FUT9: variants seen among roughly 807,000 people sequenced by gnomAD.
FUT9 encodes the protein 4-galactosyl-N-acetylglucosaminide 3-alpha-L-fucosyltransferase 9.
A neutral mutation model predicts 29.7 loss-of-function variants in FUT9; 15 were observed. The ratio of observed to expected loss-of-function variants is 0.51; its 90% CI spans 0.34 to 0.78. The LOEUF (loss-of-function observed/expected upper bound fraction) is 0.78. Ranked by LOEUF, FUT9 falls within the 30% of genes least tolerant of loss-of-function variation. The pLI is 0.01. For missense variants in FUT9, 319 were observed against 425.4 expected, an observed-to-expected ratio of 0.75 and a Z score of 2.20; for synonymous variants, 169 against 153.7, an observed-to-expected ratio of 1.10 and a Z score of -0.74.
chr6:96,075,158 G>C (rs752287605), intron 1 of FUT9, among the ~76,000 whole-genome samples: 12 of 152,060 alleles, frequency 7.9e-5, no homozygotes, highest in Non-Finnish European at 1.6e-4. Flanking sequence ...GTGTGTGTGT[G>C]TATTTCTGCT....
intron 2 of FUT9, among the ~76,000 whole-genome samples, chr6:96,181,006 A>G (rs1460497714): frequency 6.6e-6 from 1 of 152,004 alleles, no homozygotes; most frequent in Non-Finnish European, 1.5e-5. Flanking sequence ...TAAAAATAAC[A>G]TACATAGTTA....
At chr6:96,103,743 T>A (rs1471708475) in intron 1 of FUT9, among the ~76,000 whole-genome samples, 1 of 152,226 alleles carries the variant, frequency 6.6e-6, no homozygotes, top group Non-Finnish European at 1.5e-5. Context: ...CCAGTGTGAT[T>A]TTCATCTTTT....
At chr6:96,190,258 G>C (rs2127988452) in intron 2 of FUT9, among the ~76,000 whole-genome samples, 1 of 152,298 alleles carries the variant, frequency 6.6e-6, no homozygotes, top group Middle Eastern at 3.4e-3. Context: ...GGCTTGTAGA[G>C]TTTCTGCCAA....
intron 1 of FUT9, among the ~76,000 whole-genome samples, chr6:96,019,289 G>C (rs915291510): frequency 6.6e-5 from 10 of 151,928 alleles, no homozygotes; most frequent in African/African-American, 2.4e-4. Context: ...AGAGGATTCA[G>C]TCAAGAGATA....
At chr6:96,088,448 C>A (rs969265694) in intron 1 of FUT9, among the ~76,000 whole-genome samples, 2 of 151,658 alleles carry the variant, frequency 1.3e-5, no homozygotes, top group African/African-American at 4.8e-5. Flanking sequence ...TGTCTTCTTT[C>A]TCCCAATTTT....
intron 2 of FUT9, among the ~76,000 whole-genome samples, chr6:96,183,261 G>A (rs1026368934): frequency 1.3e-5 from 2 of 151,982 alleles, no homozygotes; most frequent in African/African-American, 4.8e-5. Context: ...CATTGTTGGT[G>A]CATAGGAGAG....
At chr6:96,054,287 A>T (rs958588447) in intron 1 of FUT9, among the ~76,000 whole-genome samples, 12 of 152,232 alleles carry the variant, frequency 7.9e-5, no homozygotes, top group African/African-American at 2.9e-4. Flanking sequence ...AGATAGATAT[A>T]GGTTGGTCCT....
Position 96,113,147 on chromosome 6 carries a change from T to C in FUT9, c.-97-892T>C, listed in dbSNP as rs182023976. Among the ~76,000 whole-genome samples, 8 of 152,322 alleles carry C rather than the reference T, an allele frequency of 5.3e-5. No individual in the cohort carries two copies. The East Asian group carries it at 7.7e-4, about 15-fold the overall frequency. ...AAATATATTTGATTATCGAGATATC[T>C]TATACTCACTTTCTTAGAGTTTCAA... On this transcript the variant is annotated intron_variant, in intron 1 of 2. Transcript: ENST00000302103.
Position 96,212,580 on chromosome 6 carries a change from T to A in FUT9, c.*8345T>A, listed in dbSNP as rs1216886539. On this transcript the variant is annotated 3_prime_UTR_variant, in exon 3 of 3. Transcript: ENST00000302103. Reference sequence around the variant, plus strand: ...TTAATCGGGGTTAAGGGAGTAATTGTGACAATATAAAATGGCATTGTTATA... The same window carrying A: ...TTAATCGGGGTTAAGGGAGTAATTGAGACAATATAAAATGGCATTGTTATA... The A allele has an allele frequency of 4.5e-5, 17 of 381,726 alleles. No individual in the cohort carries two copies. In the East Asian group the frequency reaches 6.7e-4, roughly 15 times the overall value. 23.6% of individuals were successfully genotyped at this position (381,726 alleles called of 1,614,324 possible).
intron 2 of FUT9, among the ~76,000 whole-genome samples, chr6:96,188,643 A>ATGTGTGTG (rs34635425): frequency 6.8e-6 from 1 of 146,784 alleles, no homozygotes; most frequent in Admixed American, 6.9e-5. Flanking sequence ...ATATATATAT[A>ATGTGTGTG]TGTGTGTGTG....
intron 2 of FUT9, among the ~76,000 whole-genome samples, chr6:96,159,647 T>C (rs774097531): frequency 2.0e-5 from 3 of 152,178 alleles, no homozygotes; most frequent in Admixed American, 2.0e-4. Context: ...GCCCCCTTCA[T>C]GCTTTCAACT....
chr6:96,138,492 T>C (rs1772402155), intron 2 of FUT9, among the ~76,000 whole-genome samples: 1 of 152,076 alleles, frequency 6.6e-6, no homozygotes, highest in African/African-American at 2.4e-5. Context: ...GCTTTTTTTT[T>C]TTTTTTGACA....
chr6:96,121,393 C>A (rs775151805), intron 2 of FUT9, among the ~76,000 whole-genome samples: 1 of 152,082 alleles, frequency 6.6e-6, no homozygotes, highest in Non-Finnish European at 1.5e-5. Context: ...TTTTTAGAGA[C>A]TATCATTTCC....
chr6:96,045,990 G>A (rs1770556702), intron 1 of FUT9, among the ~76,000 whole-genome samples: 1 of 152,130 alleles, frequency 6.6e-6, no homozygotes, highest in East Asian at 1.9e-4. Context: ...ATCTGAACTT[G>A]CTAAAGAAAT....
intron 1 of FUT9, among the ~76,000 whole-genome samples, chr6:96,088,731 A>G (rs984527279): frequency 6.6e-6 from 1 of 152,206 alleles, no homozygotes; most frequent in African/African-American, 2.4e-5. Context: ...TCTTTCAAAA[A>G]TACTCTTCAT....
At position 96,145,338 on chromosome 6, in the gene FUT9, G is replaced by A. The variant is rs1008203801; in HGVS notation, c.-9+31211G>A. On this transcript the variant is annotated intron_variant, in intron 2 of 2. Transcript: ENST00000302103. ...CCCAAAGTGCTGGGATTACAGGATT[G>A]AGCCACTGTGCCCAGTCTTGTCTTA... 9.2e-5 allele frequency among the ~76,000 whole-genome samples: 14 copies of A among 152,268 alleles called. 1 individual carries two copies. The highest frequency in any genetic ancestry group is 5.2e-4 in the Admixed American group (8 of 15,298).
rs550530035 is a variant in FUT9 at position 96,199,318 on chromosome 6, A to C, written c.-8-3830A>C. Among the ~76,000 whole-genome samples, 16 of 152,216 alleles carry C rather than the reference A, an allele frequency of 1.1e-4. No individual in the cohort carries two copies. In the South Asian group the frequency reaches 3.3e-3, roughly 32 times the overall value. On this transcript the variant is annotated intron_variant, in intron 2 of 2. Coordinates refer to ENST00000302103, the MANE Select transcript of FUT9 (RefSeq NM_006581.4). Reference sequence around the variant, plus strand: ...GTCAAGGAGATGTCAATTTGGCCCCAAGAGGCAAACTTTTTTTGACAGTTC... The same window carrying C: ...GTCAAGGAGATGTCAATTTGGCCCCCAGAGGCAAACTTTTTTTGACAGTTC...
At chr6:96,078,924 G>A (rs1231773699) in intron 1 of FUT9, among the ~76,000 whole-genome samples, 2 of 152,050 alleles carry the variant, frequency 1.3e-5, no homozygotes, top group African/African-American at 2.4e-5. Context: ...TGCCCCTGCC[G>A]CCAACCATTC....
intron 2 of FUT9, among the ~76,000 whole-genome samples, chr6:96,148,450 T>C (rs528894090): frequency 5.3e-5 from 8 of 152,370 alleles, no homozygotes; most frequent in African/African-American, 1.9e-4. Flanking sequence ...TTCAGATTGC[T>C]GGCTTTTTCA....
Sources: allele counts gnomAD v4.1 joint callset (sites outside exome capture counted in the v4.1 genomes callset), GRCh38; gene constraint gnomAD v4.1.1; transcripts MANE v1.5; gene names NCBI Gene and HGNC (gene_info 2026-07-23, HGNC 2026-07-21).